The following CASP9 variants were observed in gnomAD, a reference collection of about 807,000 sequenced individuals.
CASP9 encodes the protein caspase-9.
CASP9 carries 29 observed loss-of-function variants against 43.5 expected under a neutral mutation model. The ratio of observed to expected loss-of-function variants is 0.67; its 90% CI spans 0.50 to 0.91. The LOEUF (loss-of-function observed/expected upper bound fraction) is 0.91. CASP9 is among the 40% of genes least tolerant of loss of function. The pLI, the probability that CASP9 is intolerant of heterozygous loss-of-function variation, is 0.00. For missense variants in CASP9, 575 were observed against 537.4 expected (o/e 1.07, Z -0.69); for synonymous variants, 206 against 211.9 (o/e 0.97, Z 0.24).
chr1:15,494,587 G>A (rs1478731104), intron 7 of CASP9, among the ~76,000 whole-genome samples: 4 of 150,140 alleles, frequency 2.7e-5, no homozygotes, highest in Admixed American at 2.0e-4. Context: ...AAAAAGGCTG[G>A]GCGCGGTGGC....
At chr1:15,502,829 C>T (rs992233753) in intron 6 of CASP9, among the ~76,000 whole-genome samples, 4 of 152,162 alleles carry the variant, frequency 2.6e-5, no homozygotes, top group Non-Finnish European at 4.4e-5. Flanking sequence ...AAAGAGGGAC[C>T]GGAGGCTCCG....
chr1:15,524,311 G>T, upstream of CASP9: 3 of 1,425,180 alleles, frequency 2.1e-6, no homozygotes, highest in Non-Finnish European at 2.7e-6. Flanking sequence ...CCGCGTCACG[G>T]CCCCGGGTCA....
chr1:15,496,599 T>A (rs1171750107), intron 6 of CASP9, among the ~76,000 whole-genome samples: 1 of 152,194 alleles, frequency 6.6e-6, no homozygotes, highest in East Asian at 1.9e-4. Flanking sequence ...TCCATTTCTA[T>A]ACACTAACAA....
At chr1:15,509,895 G>C (rs1709690289) in intron 2 of CASP9, among the ~76,000 whole-genome samples, 1 of 152,180 alleles carries the variant, frequency 6.6e-6, no homozygotes, top group South Asian at 2.1e-4. Flanking sequence ...CCGTTAGCAA[G>C]AAGTTGACTG....
At chr1:15,512,347 T>C (rs924119281) in intron 2 of CASP9, among the ~76,000 whole-genome samples, 3 of 151,850 alleles carry the variant, frequency 2.0e-5, no homozygotes, top group South Asian at 2.1e-4. Flanking sequence ...TTTGAATAGG[T>C]AGACAGAGTA....
intron 3 of CASP9, 41 bp from the exon 4 acceptor site, chr1:15,507,116 C>A (rs747175896): frequency 6.2e-7 from 1 of 1,611,552 alleles, no homozygotes; most frequent in Non-Finnish European, 8.5e-7. Flanking sequence ...GCTCTCCCCA[C>A]GCTCCCTAGA....
chr1:15,506,462 C>G (rs1296605203), intron 4 of CASP9, among the ~76,000 whole-genome samples: 1 of 151,788 alleles, frequency 6.6e-6, no homozygotes, highest in Non-Finnish European at 1.5e-5. Flanking sequence ...TGCCCCCGCC[C>G]CCCCCAAAAA....
rs546858864 is a variant in CASP9, at chr1:15,524,026, G to A, written c.132+43C>T. On this transcript the variant is annotated intron_variant, in intron 1 of 8. Transcript: ENST00000333868. ...CACAACGCCTCCTCGAGGGGCGTGG[G>A]GACCCGGCCGTGCAGCGCGGGGACA... 1.9e-4 allele frequency: 267 copies of A among 1,397,370 alleles called. 2 individuals are homozygous for A. The South Asian group carries it at 3.4e-3, about 18-fold the overall frequency. The allele number at this position is 1,397,370 out of a possible 1,614,324, so 86.6% of individuals were successfully genotyped here.
intron 2 of CASP9, 38 bp downstream of exon 2, chr1:15,518,072 T>A (rs1226006266): frequency 6.2e-7 from 1 of 1,606,558 alleles, no homozygotes; most frequent in Non-Finnish European, 8.5e-7. Flanking sequence ...AATGACTACG[T>A]GTCATGCCCA....
At chr1:15,502,953 G>A (rs1709382015) in intron 6 of CASP9, among the ~76,000 whole-genome samples, 1 of 152,172 alleles carries the variant, frequency 6.6e-6, no homozygotes, top group Non-Finnish European at 1.5e-5. Flanking sequence ...CTGTTGTCCT[G>A]AGGGAACTCT....
At chr1:15,493,238 A>G (rs1217180246) in intron 8 of CASP9, 3 of 1,413,322 alleles carry the variant, frequency 2.1e-6, no homozygotes, top group Non-Finnish European at 2.8e-6. Context: ...CCAAATTCAT[A>G]AAGTTCAAAT....
Position 15,504,677 on chromosome 1 carries a change from T to C in CASP9, c.802A>G (p.Asn268Asp), listed in dbSNP as rs762529510. ...VSVEKIVNIF[N>D]GTSCPSLGGK... ...CCCAGGCTGGGGCAGCTGGTCCCAT[T>C]GAAGATGTTCACAATCTTCTCGACC... is the stretch of plus-strand genomic sequence containing the variant. Residue 268 changes from asparagine (N) to aspartate (D), a missense_variant, in exon 6 of 9, where the codon AAT (asparagine) becomes GAT (aspartate). Asn to Asp is a conservative substitution (Grantham distance 23, BLOSUM62 1). Coordinates refer to ENST00000333868, the MANE Select transcript of CASP9 (RefSeq NM_001229.5). 3 of 1,614,168 alleles carry C rather than the reference T, an allele frequency of 1.9e-6. No individual in the cohort carries two copies. Among genetic ancestry groups the C allele is most frequent in the Non-Finnish European group, 2.5e-6 (3 of 1,180,010 alleles).
intron 3 of CASP9, 51 bp from the exon 4 acceptor site, chr1:15,507,126 AG>A (rs1253485964): frequency 6.2e-6 from 10 of 1,609,100 alleles, no homozygotes; most frequent in Non-Finnish European, 8.5e-6. Flanking sequence ...CGCTCCCTAG[AG>A]GACAGTCTGG....
rs186391716 is a variant in CASP9 at position 15,497,304 on chromosome 1, C to T, written c.869-1852G>A. ...CCAGCCTGGGCAACAGAGCAGGACTCCATCTAAAAAAAAAAAAAAAAAAGA... is the reference window on the plus strand; with the variant it reads ...CCAGCCTGGGCAACAGAGCAGGACTTCATCTAAAAAAAAAAAAAAAAAAGA... On this transcript the variant is annotated intron_variant, in intron 6 of 8. Coordinates refer to ENST00000333868, the MANE Select transcript of CASP9 (RefSeq NM_001229.5). Among the ~76,000 whole-genome samples, 1,008 of 133,180 alleles carry T rather than the reference C, an allele frequency of 7.6e-3. 16 individuals are homozygous for T. Among genetic ancestry groups the T allele is most frequent in the African/African-American group, 0.027 (927 of 34,236 alleles). 87.4% of individuals were successfully genotyped at this position (133,180 alleles called of 152,430 possible).
At chr1:15,499,161 C>T (rs1296366947) in intron 6 of CASP9, among the ~76,000 whole-genome samples, 2 of 152,146 alleles carry the variant, frequency 1.3e-5, no homozygotes, top group Admixed American at 6.5e-5. Flanking sequence ...TAAGGGGTTT[C>T]CCCCCAGACA....
rs913540661 is a variant in CASP9, at chr1:15,521,593, TA to T, written c.132+2475del. On this transcript the variant is annotated intron_variant, in intron 1 of 8. Transcript: ENST00000333868. Reference sequence around the variant, plus strand: ...GCCTTCTCTCTCTGCTTCAGCTACCTAAAAGGGAAGGGCCCCCTGTCCTATG... The same window carrying T: ...GCCTTCTCTCTCTGCTTCAGCTACCTAAAGGGAAGGGCCCCCTGTCCTATG... 5.6e-4 allele frequency among the ~76,000 whole-genome samples: 85 copies of T among 152,314 alleles called. 1 individual carries two copies. Among genetic ancestry groups the T allele is most frequent in the Non-Finnish European group, 7.9e-4 (54 of 68,022 alleles).
At position 15,504,656 on chromosome 1, in the gene CASP9, G is replaced by T. The variant is rs200754043; in HGVS notation, c.823C>A (p.Leu275Met). The T allele has an allele frequency of 1.9e-5, 30 of 1,614,200 alleles. No homozygotes were observed. In the South Asian group the frequency reaches 2.6e-4, roughly 14 times the overall value. The change falls in exon 6 of 9, where the codon CTG (leucine) becomes ATG (methionine). Residue 275 changes from leucine to methionine, a missense_variant. Transcript: ENST00000333868. Reference protein sequence around the residue: ...NIFNGTSCPSLGGKPKLFFIQ... With the variant: ...NIFNGTSCPSMGGKPKLFFIQ... ...AAAAAGAGCTTGGGCTTCCCTCCCA[G>T]GCTGGGGCAGCTGGTCCCATTGAAG...
At chr1:15,508,016 C>G in intron 2 of CASP9, 109 bp from the exon 3 acceptor site, 1 of 1,105,202 alleles carries the variant, frequency 9.0e-7, no homozygotes, top group Non-Finnish European at 1.4e-6. Context: ...GAACTCAGAC[C>G]CTCAGACTCT....
chr1:15,494,043 C>T, intron 7 of CASP9, 42 bp from the exon 8 acceptor site: 2 of 1,539,960 alleles, frequency 1.3e-6, no homozygotes, highest in Non-Finnish European at 1.7e-6. Flanking sequence ...AGAGCCACCC[C>T]TCCGCCGGCT....
Sources: allele counts gnomAD v4.1 joint callset (sites outside exome capture counted in the v4.1 genomes callset), GRCh38; gene constraint gnomAD v4.1.1; transcripts MANE v1.5; gene names NCBI Gene and HGNC (gene_info 2026-07-23, HGNC 2026-07-21).